ATP8A2: variants seen among roughly 807,000 people sequenced by gnomAD.
ATP8A2 encodes the protein phospholipid-transporting ATPase IB.
A neutral mutation model predicts 165.6 loss-of-function variants in ATP8A2; 100 were observed. That is an observed-to-expected ratio of 0.60 (90% CI 0.51 to 0.71). The LOEUF (loss-of-function observed/expected upper bound fraction) is 0.71. Ranked by LOEUF, ATP8A2 falls within the 30% of genes least tolerant of loss-of-function variation. The pLI is 0.00. For synonymous variants in ATP8A2, 543 were observed against 548.8 expected, an observed-to-expected ratio of 0.99 and a Z score of 0.15; for missense variants, 1,227 against 1,479.5, an observed-to-expected ratio of 0.83 and a Z score of 2.80.
intron 33 of ATP8A2, among the ~76,000 whole-genome samples, chr13:25,924,627 G>A (rs1364346237): frequency 1.0e-5 from 1 of 98,154 alleles, no homozygotes; most frequent in Admixed American, 1.2e-4. Flanking sequence ...AAGGGCTAGG[G>A]CTTCAACATT....
At chr13:25,700,027 TAGTGGAAAGGCATGTC>T (rs1204016496) in intron 25 of ATP8A2, among the ~76,000 whole-genome samples, 11 of 152,070 alleles carry the variant, frequency 7.2e-5, no homozygotes. Flanking sequence ...GGAGCATCAG[TAGTGGAAAGGCATGTC>T]AGTTTTATGC....
At chr13:25,928,258 G>A (rs1371537944) in intron 33 of ATP8A2, among the ~76,000 whole-genome samples, 1 of 152,148 alleles carries the variant, frequency 6.6e-6, no homozygotes, top group Non-Finnish European at 1.5e-5. Flanking sequence ...GACTCCCTTT[G>A]GAATCATAGA....
intron 25 of ATP8A2, among the ~76,000 whole-genome samples, chr13:25,704,889 T>C (rs1334259865): frequency 1.3e-5 from 2 of 152,222 alleles, no homozygotes; most frequent in African/African-American, 4.8e-5. Context: ...GGGCCTATGC[T>C]CTTAAGTCAC....
chr13:25,535,846 T>G lies in ATP8A2; in HGVS notation c.508-2142T>G, dbSNP rs552713723. Among the ~76,000 whole-genome samples the G allele has an allele frequency of 2.0e-5, 3 of 152,058 alleles. No individual in the cohort carries two copies. The South Asian group carries it at 6.3e-4, about 32-fold the overall frequency. On this transcript the variant is annotated intron_variant, in intron 6 of 36. Coordinates refer to ENST00000381655, the MANE Select transcript of ATP8A2 (RefSeq NM_016529.6). ...AGAAAACAAACAACCAAAAAAAAAT[T>G]TTTTTTCAAGCAAAATCCAAGTAAG...
intron 24 of ATP8A2, among the ~76,000 whole-genome samples, chr13:25,697,011 A>T (rs1026109948): frequency 6.6e-6 from 1 of 152,216 alleles, no homozygotes; most frequent in African/African-American, 2.4e-5. Context: ...TATTGCAAGA[A>T]TTACCAAAAT....
chr13:25,615,337 C>G (rs1446548073), intron 24 of ATP8A2, among the ~76,000 whole-genome samples: 1 of 152,128 alleles, frequency 6.6e-6, no homozygotes, highest in Non-Finnish European at 1.5e-5. Context: ...CAGTTACAGG[C>G]TTCACCTAGC....
chr13:25,846,468 G>C (rs1344602091), intron 30 of ATP8A2, among the ~76,000 whole-genome samples: 1 of 152,186 alleles, frequency 6.6e-6, no homozygotes, highest in Non-Finnish European at 1.5e-5. Context: ...AGAGAGGAAA[G>C]AGTTTCAGGT....
intron 35 of ATP8A2, among the ~76,000 whole-genome samples, chr13:25,989,082 G>A (rs1211887449): frequency 6.6e-6 from 1 of 152,244 alleles, no homozygotes; most frequent in Non-Finnish European, 1.5e-5. Flanking sequence ...TAGTGTTTAG[G>A]AGGTTAATCG....
chr13:25,612,468 T>C (rs1383816344), intron 24 of ATP8A2, among the ~76,000 whole-genome samples: 2 of 152,220 alleles, frequency 1.3e-5, no homozygotes, highest in African/African-American at 4.8e-5. Context: ...GAAGTTGACT[T>C]CCCATTTTAT....
intron 33 of ATP8A2, among the ~76,000 whole-genome samples, chr13:25,919,023 G>A (rs968528822): frequency 1.3e-5 from 2 of 152,194 alleles, no homozygotes; most frequent in Non-Finnish European, 2.9e-5. Context: ...GAGCAACTGT[G>A]TTGCATGAAA....
At chr13:25,752,389 A>T (rs903381122) in intron 25 of ATP8A2, among the ~76,000 whole-genome samples, 2 of 152,062 alleles carry the variant, frequency 1.3e-5, no homozygotes, top group African/African-American at 4.8e-5. Flanking sequence ...TGAACCCGGG[A>T]AAAGGTTGCA....
At chr13:25,693,692 T>C (rs1231545441) in intron 24 of ATP8A2, among the ~76,000 whole-genome samples, 5 of 151,930 alleles carry the variant, frequency 3.3e-5, no homozygotes, top group South Asian at 4.2e-4. Context: ...TCTCTCTGTT[T>C]TATTTATTTT....
intron 24 of ATP8A2, among the ~76,000 whole-genome samples, chr13:25,658,674 G>A (rs976837285): frequency 1.3e-5 from 2 of 152,142 alleles, no homozygotes; most frequent in Non-Finnish European, 2.9e-5. Context: ...CACTTTGTTT[G>A]CTTTTCCTAT....
In ATP8A2 at chr13:26,025,320, C is replaced by G. The variant is rs955620346; in HGVS notation, c.*5335C>G. ...AGTTCAGGCCTGTGCAATGCCGCTT[C>G]CCTCTGAGCCTCCCTCTCAAGGGCC... On this transcript the variant is annotated 3_prime_UTR_variant, in exon 37 of 37. Coordinates refer to ENST00000381655, the MANE Select transcript of ATP8A2 (RefSeq NM_016529.6). 1 of 152,204 alleles carries G rather than the reference C, an allele frequency of 6.6e-6. No homozygotes were observed. Among genetic ancestry groups the G allele is most frequent in the African/African-American group, 2.4e-5 (1 of 41,444 alleles). 9.4% of individuals were successfully genotyped at this position (152,204 alleles called of 1,614,324 possible).
At chr13:25,743,169 G>A (rs2043953734) in intron 25 of ATP8A2, among the ~76,000 whole-genome samples, 1 of 152,070 alleles carries the variant, frequency 6.6e-6, no homozygotes, top group African/African-American at 2.4e-5. Context: ...TTTGGACACA[G>A]GCACACAGGA....
At chr13:25,635,038 G>A (rs774994438) in intron 24 of ATP8A2, among the ~76,000 whole-genome samples, 22 of 152,170 alleles carry the variant, frequency 1.4e-4, no homozygotes, top group Non-Finnish European at 2.8e-4. Context: ...AAATGAATTT[G>A]CATTCACTGG....
At chr13:25,938,009 G>A (rs74042213) in intron 33 of ATP8A2, among the ~76,000 whole-genome samples, 5 of 152,030 alleles carry the variant, frequency 3.3e-5, no homozygotes, top group South Asian at 2.1e-4. Context: ...TCAGTCAAAA[G>A]TATTCCTGTT....
At chr13:25,803,641 T>C (rs1353644388) in intron 27 of ATP8A2, among the ~76,000 whole-genome samples, 2 of 152,218 alleles carry the variant, frequency 1.3e-5, no homozygotes, top group African/African-American at 4.8e-5. Flanking sequence ...CTCTTCCCCA[T>C]ATGTTAGTAT....
At chr13:25,437,355 A>G (rs956069757) in intron 1 of ATP8A2, among the ~76,000 whole-genome samples, 2 of 152,188 alleles carry the variant, frequency 1.3e-5, no homozygotes, top group African/African-American at 2.4e-5. Flanking sequence ...CTTCTCAATC[A>G]GATTCAGAAT....
Sources: allele counts gnomAD v4.1 joint callset (sites outside exome capture counted in the v4.1 genomes callset), GRCh38; gene constraint gnomAD v4.1.1; transcripts MANE v1.5; gene names NCBI Gene and HGNC (gene_info 2026-07-23, HGNC 2026-07-21).